The following HS1BP3 variants were observed in gnomAD, a reference collection of about 807,000 sequenced individuals.
The protein encoded by HS1BP3 is HCLS1 binding protein 3, also known as HCLS1-binding protein 3.
Under a neutral mutation model 33.5 loss-of-function variants are expected in HS1BP3, and 32 were observed. That is an observed-to-expected ratio of 0.95 (90% CI 0.72 to 1.28). The LOEUF is 1.28. Among genes scored for constraint, HS1BP3 ranks in the 50% most tolerant of loss-of-function variants. The pLI, the probability that HS1BP3 is intolerant of heterozygous loss-of-function variation, is 0.00. For missense variants in HS1BP3, 486 were observed against 502.3 expected, an observed-to-expected ratio of 0.97 and a Z score of 0.31; for synonymous variants, 187 against 209.2, an observed-to-expected ratio of 0.89 and a Z score of 0.92.
chr2:20,603,513 A>G lies in HS1BP3; in HGVS notation c.179-5248T>C, dbSNP rs1199807304. On this transcript the variant is annotated intron_variant, in intron 2 of 3. Transcript: ENST00000415264. Reference sequence around the variant, plus strand: ...AAATCCACATATTACATTATCCCATATATATAAAATGTCCAGAATGGGCAA... The same window carrying G: ...AAATCCACATATTACATTATCCCATGTATATAAAATGTCCAGAATGGGCAA... 3.9e-5 allele frequency among the ~76,000 whole-genome samples: 6 copies of G among 152,224 alleles called. No homozygotes were observed. In the East Asian group the frequency reaches 1.2e-3, roughly 29 times the overall value.
In HS1BP3 at chr2:20,619,056, G is replaced by A. The variant is rs111886213; in HGVS notation, c.1110C>T (p.Asp370=). The A allele has an allele frequency of 0.01, 16,473 of 1,614,154 alleles. 120 individuals are homozygous for A. The highest frequency in any genetic ancestry group is 0.011 in the Non-Finnish European group (12,983 of 1,180,006). Residue 370 remains aspartate (D), a synonymous_variant, in exon 7 of 7, where the codon GAC becomes GAT. Transcript: ENST00000304031. ...QKPQEQIQAM[D]EMDILQYIQD... The stretch of plus-strand genomic sequence containing the variant: ...GGATGTACTGCAAGATGTCCATCTC[G>A]TCCATGGCTTGGATCTGCTCCTGCG...
chr2:20,579,343 T>C (rs1693476910), intron 5 of HS1BP3, among the ~76,000 whole-genome samples: 1 of 152,250 alleles, frequency 6.6e-6, no homozygotes, highest in Non-Finnish European at 1.5e-5. Flanking sequence ...TGGCTGTTAG[T>C]GGGCCGTGAG....
In HS1BP3 at chr2:20,641,189, A is replaced by C. The variant is rs773096073; in HGVS notation, c.199-9T>G. Reference sequence around the variant, plus strand: ...CTGTACTTTTTGGAGACCTGGAATGAGAGGAGCATGTGGTTTCCTGAGTGA... The same window carrying C: ...CTGTACTTTTTGGAGACCTGGAATGCGAGGAGCATGTGGTTTCCTGAGTGA... On this transcript the variant is annotated splice_polypyrimidine_tract_variant and intron_variant, in intron 2 of 6. Coordinates refer to ENST00000304031, the MANE Select transcript of HS1BP3 (RefSeq NM_022460.4). 3 of 1,600,214 alleles carry C rather than the reference A, an allele frequency of 1.9e-6. No homozygotes were observed. In the South Asian group the frequency reaches 3.3e-5, roughly 18 times the overall value.
rs138382118 is a variant in HS1BP3 at position 20,575,156 on chromosome 2, C to A, written c.303-14641G>T. 4.4e-3 allele frequency among the ~76,000 whole-genome samples: 664 copies of A among 152,336 alleles called. 5 individuals carry two copies. The highest frequency in any genetic ancestry group is 5.6e-3 in the Non-Finnish European group (383 of 68,034). ...TTGTTGGGCATTTGTTTGGATTTCT[C>A]TGGAACTTTTGGAACAATGGGCTCT... On this transcript the variant is annotated intron_variant, in intron 5 of 5. Transcript: ENST00000446825.
chr2:20,645,606 C>T, intron 1 of HS1BP3, 101 bp from the exon 2 acceptor site: 4 of 1,191,426 alleles, frequency 3.4e-6, no homozygotes, highest in Middle Eastern at 2.9e-4. Context: ...GGCCTGGGTG[C>T]CAGGTGACTC....
chr2:20,601,862 T>TCC (rs974403745), intron 2 of HS1BP3, among the ~76,000 whole-genome samples: 1 of 133,758 alleles, frequency 7.5e-6, no homozygotes, highest in Non-Finnish European at 1.5e-5. Flanking sequence ...CACTGCAAGC[T>TCC]CCGCCTTCCA....
chr2:20,578,026 C>T (rs115766421), intron 5 of HS1BP3, among the ~76,000 whole-genome samples: 3 of 152,228 alleles, frequency 2.0e-5, no homozygotes, highest in Admixed American at 6.5e-5. Context: ...GACTGAGTAA[C>T]GTGCCTGATG....
At chr2:20,566,375 C>T (rs1257827885) in intron 5 of HS1BP3, among the ~76,000 whole-genome samples, 1 of 152,184 alleles carries the variant, frequency 6.6e-6, no homozygotes, top group Non-Finnish European at 1.5e-5. Context: ...TGGGGTGACT[C>T]CCAGCTCTCA....
chr2:20,571,544 T>G (rs909860064), intron 5 of HS1BP3, among the ~76,000 whole-genome samples: 1 of 152,220 alleles, frequency 6.6e-6, no homozygotes, highest in Non-Finnish European at 1.5e-5. Context: ...CCAAACAGAC[T>G]GGCGCCATCG....
At chr2:20,614,806 A>G (rs1572334102), downstream of HS1BP3, among the ~76,000 whole-genome samples, 1 of 152,266 alleles carries the variant, frequency 6.6e-6, no homozygotes, top group East Asian at 1.9e-4. Context: ...CCGAGGCCAC[A>G]TGCTGAGCCC....
intron 4 of HS1BP3, among the ~76,000 whole-genome samples, chr2:20,634,443 G>A (rs1373553821): frequency 6.6e-6 from 1 of 152,194 alleles, no homozygotes; most frequent in Non-Finnish European, 1.5e-5. Context: ...GTGGCATCAG[G>A]GGAGCCCTGG....
chr2:20,576,117 T>TA (rs1421387279), intron 5 of HS1BP3, among the ~76,000 whole-genome samples: 2 of 152,170 alleles, frequency 1.3e-5, no homozygotes, highest in Non-Finnish European at 2.9e-5. Flanking sequence ...TAGCTGGGAC[T>TA]ACAGGTATAT....
At chr2:20,583,614 C>T (rs1351449525) in intron 5 of HS1BP3, among the ~76,000 whole-genome samples, 2 of 152,236 alleles carry the variant, frequency 1.3e-5, no homozygotes, top group African/African-American at 4.8e-5. Flanking sequence ...CATGTCTTAT[C>T]ACTGTGGCAA....
chr2:20,616,767 C>A (rs1474848476), downstream of HS1BP3, among the ~76,000 whole-genome samples: 1 of 152,100 alleles, frequency 6.6e-6, no homozygotes, highest in Non-Finnish European at 1.5e-5. Context: ...TCCTCTCCCC[C>A]TCTCCCCTCC....
At position 20,641,193 on chromosome 2, in the gene HS1BP3, G is replaced by A; in HGVS notation, c.199-13C>T. 7 of 1,598,260 alleles carry A rather than the reference G, an allele frequency of 4.4e-6. No homozygotes were observed. Among genetic ancestry groups the A allele is most frequent in the Non-Finnish European group, 5.1e-6 (6 of 1,177,418 alleles). On this transcript the variant is annotated splice_polypyrimidine_tract_variant and intron_variant, in intron 2 of 6. Transcript: ENST00000304031. The stretch of plus-strand genomic sequence containing the variant: ...ACTTTTTGGAGACCTGGAATGAGAG[G>A]AGCATGTGGTTTCCTGAGTGAAGAG...
At chr2:20,638,747 G>A in intron 3 of HS1BP3, 95 bp from the exon 4 acceptor site, 1 of 972,582 alleles carries the variant, frequency 1.0e-6, no homozygotes, top group Non-Finnish European at 1.5e-6. Flanking sequence ...CAGGATCTGA[G>A]GCCGAGGGCT....
chr2:20,650,569 T>C (rs1312518573), intron 1 of HS1BP3, among the ~76,000 whole-genome samples: 1 of 152,194 alleles, frequency 6.6e-6, no homozygotes, highest in African/African-American at 2.4e-5. Flanking sequence ...CTGAGCTTAC[T>C]ACCCGCTGCT....
intron 5 of HS1BP3, among the ~76,000 whole-genome samples, chr2:20,579,576 A>C (rs1338846793): frequency 6.6e-6 from 1 of 152,224 alleles, no homozygotes; most frequent in East Asian, 1.9e-4. Context: ...TACCAGGCTC[A>C]ATGGGGTCAT....
chr2:20,597,661 G>GA (rs778778061), intron 3 of HS1BP3, among the ~76,000 whole-genome samples: 281 of 142,026 alleles, frequency 2.0e-3, no homozygotes, highest in African/African-American at 5.2e-3. Flanking sequence ...TTTTGCTTGA[G>GA]AAAAAAAAAA....
Sources: allele counts gnomAD v4.1 joint callset (sites outside exome capture counted in the v4.1 genomes callset), GRCh38; gene constraint gnomAD v4.1.1; transcripts MANE v1.5; gene names NCBI Gene and HGNC (gene_info 2026-07-23, HGNC 2026-07-21).